JAKMIP1: variants seen among roughly 807,000 people sequenced by gnomAD.
JAKMIP1 encodes the protein janus kinase and microtubule interacting protein 1.
In JAKMIP1, 33 loss-of-function variants were observed where a neutral mutation model predicts 113.0. The observed-to-expected ratio is 0.29, with a 90% CI of 0.22 to 0.39. JAKMIP1 has a LOEUF of 0.39. JAKMIP1 is among the 10% of genes least tolerant of loss of function. The pLI is 1.00. For missense variants in JAKMIP1, 813 were observed against 1,080.5 expected (o/e 0.75, Z 3.47); for synonymous variants, 480 against 459.9 (o/e 1.04, Z -0.56).
chr4:6,121,748 C>T (rs1716755358), intron 1 of JAKMIP1, among the ~76,000 whole-genome samples: 1 of 152,186 alleles, frequency 6.6e-6, no homozygotes, highest in South Asian at 2.1e-4. Flanking sequence ...CCGGAGAAAG[C>T]TAACATTGAT....
chr4:6,035,609 T>A (rs1472802055), intron 19 of JAKMIP1, among the ~76,000 whole-genome samples: 1 of 152,140 alleles, frequency 6.6e-6, no homozygotes, highest in East Asian at 1.9e-4. Context: ...GTAACCAGCA[T>A]CTGACCTGGA....
At chr4:6,028,807 A>ATCTT (rs1712202710) in intron 20 of JAKMIP1, among the ~76,000 whole-genome samples, 1 of 152,194 alleles carries the variant, frequency 6.6e-6, no homozygotes, top group Non-Finnish European at 1.5e-5. Context: ...GCGGCTCTCC[A>ATCTT]TCTTGTTGCC....
chr4:6,026,389 A>G (rs1261850099), intron 20 of JAKMIP1, 111 bp from the exon 21 acceptor site: 1 of 654,862 alleles, frequency 1.5e-6, no homozygotes, highest in African/African-American at 1.8e-5. Flanking sequence ...GAACTAGGAC[A>G]CTGAGTTGTT....
rs1398109361 is a variant in JAKMIP1, at chr4:6,185,903, ATATT to A, written c.-148+14346_-148+14349del. Among the ~76,000 whole-genome samples the A allele has an allele frequency of 6.6e-6, 1 of 152,228 alleles. No individual in the cohort carries two copies. The highest frequency in any genetic ancestry group is 1.9e-4 in the East Asian group (1 of 5,198). On this transcript the variant is annotated intron_variant, in intron 1 of 20. Coordinates refer to ENST00000409021, the MANE Select transcript of JAKMIP1 (RefSeq NM_001099433.2). This position sits in a 1 kb window ranked among gnomAD's most constrained non-coding sequence, Gnocchi z 5.3. ...AAACTATTAAAACTACATTGAGAAAATATTTATAGACTACAATTAAATATGACAC... is the reference window on the plus strand; with the variant it reads ...AAACTATTAAAACTACATTGAGAAAATATAGACTACAATTAAATATGACAC...
intron 11 of JAKMIP1, 25 bp from the exon 12 acceptor site, chr4:6,056,784 C>A: frequency 6.5e-7 from 1 of 1,535,296 alleles, no homozygotes; most frequent in South Asian, 1.1e-5. Flanking sequence ...TAAATATGGT[C>A]ACATTCATGG....
chr4:6,054,718 G>T (rs1220763389), intron 12 of JAKMIP1: 1 of 456,576 alleles, frequency 2.2e-6, no homozygotes, highest in Non-Finnish European at 4.4e-6. Context: ...GGAGACGCTG[G>T]ATCACTCAGC....
Position 6,061,650 on chromosome 4 carries a change from G to C in JAKMIP1, c.1560+662C>G, listed in dbSNP as rs1717299528. Among the ~76,000 whole-genome samples the C allele has an allele frequency of 6.6e-6, 1 of 150,760 alleles. No individual in the cohort carries two copies. The highest frequency in any genetic ancestry group is 1.5e-5 in the Non-Finnish European group (1 of 67,656). ...GCCTGTTTCCTCATTCGGAAGATCG[G>C]GTTAATTCCTCCTGCTTCAGGGGGC... On this transcript the variant is annotated intron_variant, in intron 10 of 20. Transcript: ENST00000409021. This position sits in a 1 kb window ranked among gnomAD's most constrained non-coding sequence, Gnocchi z 5.3.
intron 1 of JAKMIP1, among the ~76,000 whole-genome samples, chr4:6,190,555 G>A (rs1727144717): frequency 6.6e-6 from 1 of 152,324 alleles, no homozygotes; most frequent in South Asian, 2.1e-4. Context: ...ATGAGGTGGT[G>A]GAGGTCCAAG....
chr4:6,054,298 G>A (rs887495368), intron 12 of JAKMIP1, 150 bp from the exon 13 acceptor site: 24 of 721,808 alleles, frequency 3.3e-5, no homozygotes, highest in Admixed American at 3.1e-4. Context: ...GCAAGCAAAC[G>A]AATGAGGTAG....
At chr4:6,058,905 A>T (rs1716854580) in intron 11 of JAKMIP1, among the ~76,000 whole-genome samples, 1 of 152,250 alleles carries the variant, frequency 6.6e-6, no homozygotes, top group African/African-American at 2.4e-5. Flanking sequence ...AGCAGCCTCA[A>T]AAAACAAAAA....
At position 6,186,176 on chromosome 4, in the gene JAKMIP1, C is replaced by T. The variant is rs1310354174; in HGVS notation, c.-148+14077G>A. 6.6e-6 allele frequency among the ~76,000 whole-genome samples: 1 copy of T among 152,136 alleles called. No homozygotes were observed. Among genetic ancestry groups the T allele is most frequent in the Non-Finnish European group, 1.5e-5 (1 of 68,036 alleles). On this transcript the variant is annotated intron_variant, in intron 1 of 20. Coordinates refer to ENST00000409021, the MANE Select transcript of JAKMIP1 (RefSeq NM_001099433.2). The surrounding 1 kb of genome is among the most constrained non-coding windows in gnomAD (Gnocchi z 5.5). ...TGAAGTGAGGGGAATGCAGGAACAG[C>T]CGACGAGGCTTCCCTGGAGCTTGCC...
At position 6,097,102 on chromosome 4, in the gene JAKMIP1, A is replaced by G. The variant is rs908828853; in HGVS notation, c.624+8371T>C. On this transcript the variant is annotated intron_variant, in intron 3 of 20. Transcript: ENST00000409021. This position sits in a 1 kb window ranked among gnomAD's most constrained non-coding sequence, Gnocchi z 4.3. The stretch of plus-strand genomic sequence containing the variant: ...CAGTAGCCTCAATCTGCTGGCTTCA[A>G]GCAATCCTCCCACCTGGGCCTCCTG... 6.6e-6 allele frequency among the ~76,000 whole-genome samples: 1 copy of G among 152,198 alleles called. No individual in the cohort carries two copies. Among genetic ancestry groups the G allele is most frequent in the African/African-American group, 2.4e-5 (1 of 41,454 alleles).
Position 6,097,919 on chromosome 4 carries a change from C to G in JAKMIP1, c.624+7554G>C, listed in dbSNP as rs138784438. On this transcript the variant is annotated intron_variant, in intron 3 of 20. Transcript: ENST00000409021. The surrounding 1 kb of genome is among the most constrained non-coding windows in gnomAD (Gnocchi z 4.3). ...GTAGTGAAAGCTCTCTCCGTGGAAC[C>G]GGAAAGAATAATTAAAATGCAATGC... Among the ~76,000 whole-genome samples, 1 of 152,126 alleles carries G rather than the reference C, an allele frequency of 6.6e-6. No homozygotes were observed. The highest frequency in any genetic ancestry group is 2.4e-5 in the African/African-American group (1 of 41,434).
At chr4:6,068,748 T>C (rs1047896542) in intron 8 of JAKMIP1, among the ~76,000 whole-genome samples, 6 of 152,086 alleles carry the variant, frequency 3.9e-5, no homozygotes, top group African/African-American at 1.4e-4. Context: ...ATATTTTTCT[T>C]AAGTAGTGAC....
rs1578408305 is a variant in JAKMIP1 at position 6,156,364 on chromosome 4, T to G, written c.-147-43367A>C. Among the ~76,000 whole-genome samples, 1 of 152,248 alleles carries G rather than the reference T, an allele frequency of 6.6e-6. No homozygotes were observed. The highest frequency in any genetic ancestry group is 6.5e-5 in the Admixed American group (1 of 15,288). On this transcript the variant is annotated intron_variant, in intron 1 of 20. Coordinates refer to ENST00000409021, the MANE Select transcript of JAKMIP1 (RefSeq NM_001099433.2). The surrounding 1 kb of genome is among the most constrained non-coding windows in gnomAD (Gnocchi z 5.0). ...ATAGCACTTTTTCCCATTTCTTTAGTGGTACAAAAATAATGATGCATGTCC... is the reference window on the plus strand; with the variant it reads ...ATAGCACTTTTTCCCATTTCTTTAGGGGTACAAAAATAATGATGCATGTCC...
intron 8 of JAKMIP1, among the ~76,000 whole-genome samples, chr4:6,072,094 CCTTAT>C (rs1368483770): frequency 6.6e-6 from 1 of 152,224 alleles, no homozygotes; most frequent in Non-Finnish European, 1.5e-5. Flanking sequence ...TCCATGTTCA[CCTTAT>C]CTTATGTAAA....
chr4:6,050,510 G>C lies in JAKMIP1; in HGVS notation c.1908+68C>G. 1 of 1,070,194 alleles carries C rather than the reference G, an allele frequency of 9.3e-7. No homozygotes were observed. The highest frequency in any genetic ancestry group is 1.4e-6 in the Non-Finnish European group (1 of 721,334). The allele number at this position is 1,070,194 out of a possible 1,614,324, so 66.3% of individuals were successfully genotyped here. A position where few individuals can be genotyped will look rare whatever the true frequency, so the allele number is the denominator to read the frequency against. On this transcript the variant is annotated intron_variant, in intron 14 of 20. Transcript: ENST00000409021. The surrounding 1 kb of genome is among the most constrained non-coding windows in gnomAD (Gnocchi z 7.4). ...AATTCTATCCCAGCACTCCCCCTTT[G>C]CAGCTGAGCCGGGCACTGAGCGAGC...
intron 3 of JAKMIP1, among the ~76,000 whole-genome samples, chr4:6,103,504 A>C (rs1285045299): frequency 6.6e-6 from 1 of 152,240 alleles, no homozygotes; most frequent in Non-Finnish European, 1.5e-5. Flanking sequence ...AATCAGAGTT[A>C]CACTGGCTTC....
rs1207881610 is a variant in JAKMIP1, at chr4:6,139,160, C to T, written c.-147-26163G>A. Among the ~76,000 whole-genome samples the T allele has an allele frequency of 1.3e-5, 2 of 152,104 alleles. No homozygotes were observed. The highest frequency in any genetic ancestry group is 1.9e-4 in the East Asian group (1 of 5,198). ...TCCTCTTATGCCTGAGCCCCACTTTCCCCCTGAATTTTAACCTGCTTTGGG... is the reference window on the plus strand; with the variant it reads ...TCCTCTTATGCCTGAGCCCCACTTTTCCCCTGAATTTTAACCTGCTTTGGG... On this transcript the variant is annotated intron_variant, in intron 1 of 20. Transcript: ENST00000409021. This position sits in a 1 kb window ranked among gnomAD's most constrained non-coding sequence, Gnocchi z 5.2.
Sources: gnomAD v4.1 joint callset for allele counts (sites outside exome capture counted in the v4.1 genomes callset) on GRCh38, gnomAD v4.1.1 for gene constraint, Gnocchi (gnomAD v3.1) non-coding constraint, MANE v1.5 for transcripts, NCBI Gene and HGNC (gene_info 2026-07-23, HGNC 2026-07-21) for gene names.